PRCP: variants seen among roughly 807,000 people sequenced by gnomAD.
The protein encoded by PRCP is prolylcarboxypeptidase, also known as lysosomal Pro-X carboxypeptidase.
A neutral mutation model predicts 54.2 loss-of-function variants in PRCP; 46 were observed. The observed-to-expected ratio is 0.85, with a 90% CI of 0.67 to 1.09. The LOEUF is 1.09. Among genes scored for constraint, PRCP ranks in the 50% least tolerant of loss-of-function variants. The pLI, the probability that PRCP is intolerant of heterozygous loss-of-function variation, is 0.00. For missense variants in PRCP, 613 were observed against 596.8 expected (o/e 1.03, Z -0.28); for synonymous variants, 240 against 212.2 (o/e 1.13, Z -1.14).
chr11:82,886,833 A>T (rs2121257440), intron 1 of PRCP, among the ~76,000 whole-genome samples: 1 of 152,340 alleles, frequency 6.6e-6, no homozygotes, highest in African/African-American at 2.4e-5. Flanking sequence ...CACAAGATGA[A>T]TACAAAACAA....
rs1318880559 is a variant in PRCP, at chr11:82,838,134, TG to T, written c.1274+252del. Among the ~76,000 whole-genome samples the T allele has an allele frequency of 2.6e-5, 4 of 152,354 alleles. No homozygotes were observed. In the South Asian group the frequency reaches 8.3e-4, roughly 32 times the overall value. ...CAACAGATGATGCTTTATTTTGTGC[TG>T]GAGAGTTTTTTTAATATTTAAAAAA... On this transcript the variant is annotated intron_variant, in intron 8 of 8. Transcript: ENST00000313010.
At chr11:82,857,991 G>A (rs1234504747) in intron 2 of PRCP, among the ~76,000 whole-genome samples, 1 of 152,182 alleles carries the variant, frequency 6.6e-6, no homozygotes, top group Non-Finnish European at 1.5e-5. Flanking sequence ...ACACCAGACC[G>A]TGAGTATCTT....
rs1859781582 is a variant in PRCP, at chr11:82,882,809, A to T, written c.168+17426T>A. 1.3e-5 allele frequency among the ~76,000 whole-genome samples: 2 copies of T among 151,862 alleles called. 1 individual carries two copies. Among genetic ancestry groups the T allele is most frequent in the African/African-American group, 4.8e-5 (2 of 41,262 alleles). ...CGCGCCCGGCCGAGCCAGTTCTTAA[A>T]ATACTGAAATATTTCCATATGAGTT... On this transcript the variant is annotated intron_variant, in intron 1 of 8. Transcript: ENST00000313010.
chr11:82,878,509 A>C (rs941825435), intron 1 of PRCP, among the ~76,000 whole-genome samples: 2 of 152,298 alleles, frequency 1.3e-5, no homozygotes, highest in South Asian at 4.1e-4. Context: ...TGCTATTCTC[A>C]TGATAGTGAA....
intron 8 of PRCP, among the ~76,000 whole-genome samples, chr11:82,834,227 T>C (rs748321323): frequency 9.9e-5 from 15 of 152,230 alleles, no homozygotes; most frequent in Non-Finnish European, 1.9e-4. Flanking sequence ...GTGCTGTTTA[T>C]ATATTACCCA....
Position 82,824,763 on chromosome 11 carries a change from C to T in PRCP, c.*143G>A. ...TTCATGGGACACTTGCTCTTACCGT[C>T]ATCACCCTCTATTCTATCTCAACTT... is the stretch of plus-strand genomic sequence containing the variant. On this transcript the variant is annotated 3_prime_UTR_variant, in exon 9 of 9. Transcript: ENST00000313010. 1 of 814,176 alleles carries T rather than the reference C, an allele frequency of 1.2e-6. No homozygotes were observed. The highest frequency in any genetic ancestry group is 1.8e-5 in the South Asian group (1 of 56,454). The allele number at this position is 814,176 out of a possible 1,614,324, so 50.4% of individuals were successfully genotyped here.
rs142011148 is a variant in PRCP at position 82,844,846 on chromosome 11, A to G, written c.921+4203T>C. ...AACTATATTGCATGTATTCAACTAAAAGCTAAAAGAAAAATAACAACACAA... is the reference window on the plus strand; with the variant it reads ...AACTATATTGCATGTATTCAACTAAGAGCTAAAAGAAAAATAACAACACAA... On this transcript the variant is annotated intron_variant, in intron 6 of 8. Transcript: ENST00000313010. Among the ~76,000 whole-genome samples, 9 of 152,182 alleles carry G rather than the reference A, an allele frequency of 5.9e-5. No homozygotes were observed. The East Asian group carries it at 1.5e-3, about 26-fold the overall frequency.
rs1860249965 is a variant in PRCP at position 82,900,420 on chromosome 11, G to T, written c.-18C>A. The T allele has an allele frequency of 6.2e-7, 1 of 1,611,518 alleles. No homozygotes were observed. The highest frequency in any genetic ancestry group is 8.5e-7 in the Non-Finnish European group (1 of 1,179,642). ...CGGCCCATGGCTCAGGCTGGAGACT[G>T]CAGTGCGGGTGGGAGGGCGAAAAGG... On this transcript the variant is annotated 5_prime_UTR_variant, in exon 1 of 9. Transcript: ENST00000313010.
At chr11:82,857,092 A>G (rs895653569) in intron 2 of PRCP, among the ~76,000 whole-genome samples, 14 of 152,018 alleles carry the variant, frequency 9.2e-5, no homozygotes, top group African/African-American at 3.4e-4. Context: ...TCTAGGAAAG[A>G]GCTAAAGATA....
chr11:82,881,314 CTG>C (rs1859742977), intron 1 of PRCP, among the ~76,000 whole-genome samples: 1 of 152,180 alleles, frequency 6.6e-6, no homozygotes, highest in Non-Finnish European at 1.5e-5. Flanking sequence ...CACTTAATGG[CTG>C]TGTGTGCTCT....
intron 1 of PRCP, among the ~76,000 whole-genome samples, chr11:82,873,949 G>A (rs191492297): frequency 2.8e-4 from 42 of 152,244 alleles, no homozygotes; most frequent in Non-Finnish European, 5.3e-4. Context: ...ACTCAAATTC[G>A]CAGTCCTGAT....
intron 8 of PRCP, among the ~76,000 whole-genome samples, chr11:82,835,170 T>C (rs1858489968): frequency 6.6e-6 from 1 of 152,186 alleles, no homozygotes; most frequent in Non-Finnish European, 1.5e-5. Flanking sequence ...GTAACAAACC[T>C]GCACATCCTA....
At chr11:82,848,253 A>G (rs1858855976) in intron 6 of PRCP, among the ~76,000 whole-genome samples, 1 of 152,270 alleles carries the variant, frequency 6.6e-6, no homozygotes, top group South Asian at 2.1e-4. Flanking sequence ...TTAAAACTAA[A>G]AGGAAAGCTC....
At chr11:82,826,821 G>A (rs1293297749) in intron 8 of PRCP, 1 of 152,174 alleles carries the variant, frequency 6.6e-6, no homozygotes, top group Non-Finnish European at 1.5e-5. Context: ...ATTTTTGAGT[G>A]AGAGCTCACA....
intron 1 of PRCP, among the ~76,000 whole-genome samples, chr11:82,874,974 T>G (rs1043793147): frequency 2.0e-5 from 3 of 152,054 alleles, no homozygotes; most frequent in Non-Finnish European, 2.9e-5. Flanking sequence ...CAGTAGTTAT[T>G]TATACATACA....
chr11:82,896,194 C>T (rs755036592), intron 1 of PRCP, among the ~76,000 whole-genome samples: 16 of 152,200 alleles, frequency 1.1e-4, no homozygotes, highest in Non-Finnish European at 1.9e-4. Context: ...CGACACTGAA[C>T]TCTGACAACA....
At chr11:82,838,294 T>C (rs113561148) in intron 8 of PRCP, 93 bp downstream of exon 8, 1 of 1,200,642 alleles carries the variant, frequency 8.3e-7, no homozygotes, top group African/African-American at 1.5e-5. Flanking sequence ...TTCTATGTTG[T>C]TATATTGTCC....
At chr11:82,835,652 G>A (rs1362324161) in intron 8 of PRCP, 1 of 313,928 alleles carries the variant, frequency 3.2e-6, no homozygotes, top group Non-Finnish European at 6.2e-6. Flanking sequence ...GGACAACGAT[G>A]TAGAAGCTGA....
Position 82,825,060 on chromosome 11 carries a change from A to G in PRCP, c.1337T>C (p.Val446Ala). 6.2e-7 allele frequency: 1 copy of G among 1,614,098 alleles called. No individual in the cohort carries two copies. Among genetic ancestry groups the G allele is most frequent in the East Asian group, 2.2e-5 (1 of 44,868 alleles). ...GVTKDITDTL[V>A]AVTISEGAHH... ...GGCCCCCTCTGAGATGGTGACTGCAACCAGAGTGTCTGTGATATCCTTAGT... is the reference window on the plus strand; with the variant it reads ...GGCCCCCTCTGAGATGGTGACTGCAGCCAGAGTGTCTGTGATATCCTTAGT... The change falls in exon 9 of 9, where the codon GTT becomes GCT. Residue 446 changes from valine to alanine, a missense_variant. Transcript: ENST00000313010.
Sources: gnomAD v4.1 joint callset for allele counts (sites outside exome capture counted in the v4.1 genomes callset) on GRCh38, gnomAD v4.1.1 for gene constraint, MANE v1.5 for transcripts, NCBI Gene and HGNC (gene_info 2026-07-23, HGNC 2026-07-21) for gene names.